Variants in ASPSCR1 observed in about 807,000 individuals in gnomAD.
ASPSCR1 encodes the protein tether containing UBX domain for GLUT4.
ASPSCR1 carries 55 observed loss-of-function variants against 68.9 expected under a neutral mutation model. The ratio of observed to expected loss-of-function variants is 0.80; its 90% CI spans 0.64 to 1.00. The LOEUF (loss-of-function observed/expected upper bound fraction) is 1.00. Ranked by LOEUF, ASPSCR1 falls within the 50% of genes least tolerant of loss-of-function variation. ASPSCR1 has a pLI of 0.00. For synonymous variants in ASPSCR1, 352 were observed against 332.6 expected (o/e 1.06, Z -0.63); for missense variants, 765 against 762.2 (o/e 1.00, Z -0.04).
intron 4 of ASPSCR1, among the ~76,000 whole-genome samples, chr17:81,989,464 G>C (rs988821858): frequency 8.5e-5 from 13 of 152,332 alleles, no homozygotes; most frequent in African/African-American, 3.1e-4. Context: ...GGGAAGTCCA[G>C]GTGTCCGCAG....
chr17:82,007,664 A>T (rs1433178842), intron 7 of ASPSCR1: 2 of 152,252 alleles, frequency 1.3e-5, no homozygotes, highest in Non-Finnish European at 2.9e-5. Flanking sequence ...GGGCTCCTCC[A>T]GGGAGGCTCT....
In ASPSCR1 at chr17:82,016,967, C is replaced by A. The variant is rs1328255062; in HGVS notation, c.1502C>A (p.Pro501His). 1.9e-6 allele frequency: 3 copies of A among 1,612,004 alleles called. No homozygotes were observed. Among genetic ancestry groups the A allele is most frequent in the Admixed American group, 3.3e-5 (2 of 59,990 alleles). ...ARYMSRAAGS[P>H]SPLPAPDPAP... ...TACATGTCCAGGGCCGCCGGGTCCC[C>A]TTCCCCATTGCCAGCCCCTGACCCT... Residue 501 changes from proline to histidine, a missense_variant, in exon 15 of 16, where the codon CCT (proline) becomes CAT (histidine). Pro to His is a moderately conservative substitution (Grantham distance 77). Coordinates refer to ENST00000306739, the MANE Select transcript of ASPSCR1 (RefSeq NM_024083.4).
In ASPSCR1 at chr17:81,985,569, G is replaced by A. The variant is rs1258090169; in HGVS notation, c.336G>A (p.Gln112=). The part of the protein sequence containing the change: ...SRLQDSFCSG[Q]TLWELLSHFP... ...TGCAGGACTCTTTCTGTTCAGGCCA[G>A]ACCCTCTGGGAGCTTCTCAGCCATT... Residue 112 remains glutamine, a synonymous_variant, in exon 4 of 16, where the codon CAG becomes CAA. Transcript: ENST00000306739. 1 of 1,614,048 alleles carries A rather than the reference G, an allele frequency of 6.2e-7. No individual in the cohort carries two copies. Among genetic ancestry groups the A allele is most frequent in the Admixed American group, 1.7e-5 (1 of 60,032 alleles).
chr17:81,983,636 G>A lies in ASPSCR1; in HGVS notation c.241G>A (p.Ala81Thr), dbSNP rs375476528. 6.8e-6 allele frequency: 11 copies of A among 1,612,902 alleles called. No individual in the cohort carries two copies. The highest frequency in any genetic ancestry group is 4.5e-5 in the East Asian group (2 of 44,832). Residue 81 changes from alanine to threonine, a missense_variant, in exon 3 of 16, where the codon GCT (alanine) becomes ACT (threonine). Coordinates refer to ENST00000306739, the MANE Select transcript of ASPSCR1 (RefSeq NM_024083.4). The surrounding 1 kb of genome is among the most constrained non-coding windows in gnomAD (Gnocchi z 4.4). ...PNNAKLEMVP[A>T]SRSREGPENM... ...CAATGCCAAGCTGGAGATGGTGCCC[G>A]CTTCCCGGAGCCGTGAGGGGCCTGA...
chr17:82,010,719 G>C, intron 9 of ASPSCR1, 83 bp from the exon 10 acceptor site: 1 of 1,431,868 alleles, frequency 7.0e-7, no homozygotes, highest in South Asian at 1.1e-5. Flanking sequence ...CCATGGCCCA[G>C]CATGGGCCGA....
Position 81,994,842 on chromosome 17 carries a change from C to CG in ASPSCR1, c.400dup (p.Ala134GlyfsTer11). On this transcript the variant is annotated frameshift_variant, in exon 5 of 16. Transcript: ENST00000306739. LOFTEE classifies it high-confidence loss of function. ...CCAGGGAGTGCCTGCAGCACCCCGG[C>CG]GGGGCCACCCCAGTCTGCGTGTACA... 1 of 1,613,290 alleles carries CG rather than the reference C, an allele frequency of 6.2e-7. No individual in the cohort carries two copies. The highest frequency in any genetic ancestry group is 8.5e-7 in the Non-Finnish European group (1 of 1,179,928).
chr17:82,010,333 T>G (rs111955317), intron 9 of ASPSCR1, among the ~76,000 whole-genome samples: 5 of 150,798 alleles, frequency 3.3e-5, no homozygotes, highest in African/African-American at 4.9e-5. Flanking sequence ...ATCGAGACCA[T>G]CCTGGCTGAC....
chr17:82,016,586 G>A, intron 13 of ASPSCR1, 59 bp downstream of exon 13: 2 of 1,545,882 alleles, frequency 1.3e-6, no homozygotes, highest in South Asian at 1.2e-5. Flanking sequence ...CTGGACCTCA[G>A]AGCCAGCTGC....
At chr17:81,980,931 C>T (rs568008855) in intron 2 of ASPSCR1, among the ~76,000 whole-genome samples, 10 of 152,126 alleles carry the variant, frequency 6.6e-5, no homozygotes, top group East Asian at 3.9e-4. Context: ...TTTGGGTGCC[C>T]GAGGCGGAGG....
chr17:81,986,111 C>T lies in ASPSCR1; in HGVS notation c.374+504C>T, dbSNP rs754946078. 8.5e-5 allele frequency among the ~76,000 whole-genome samples: 13 copies of T among 152,134 alleles called. No homozygotes were observed. The highest frequency in any genetic ancestry group is 1.7e-4 in the African/African-American group (7 of 41,404). ...GAGCTCCTGTGCCCCACCAGAAAAT[C>T]TTCCTAATAGTAATTGGATGGCTGG... On this transcript the variant is annotated intron_variant, in intron 4 of 15. Transcript: ENST00000306739. The surrounding 1 kb of genome is among the most constrained non-coding windows in gnomAD (Gnocchi z 5.2).
intron 4 of ASPSCR1, among the ~76,000 whole-genome samples, chr17:81,991,431 T>C (rs1832312475): frequency 6.6e-6 from 1 of 152,058 alleles, no homozygotes; most frequent in South Asian, 2.1e-4. Context: ...TGTGCTGGGG[T>C]GTAGGGATGG....
In ASPSCR1 at chr17:81,979,974, TG is replaced by T. The variant is rs200185405; in HGVS notation, c.158+736del. Among the ~76,000 whole-genome samples the T allele has an allele frequency of 2.2e-3, 340 of 152,278 alleles. 6 individuals carry two copies. In the East Asian group the frequency reaches 0.061, roughly 28 times the overall value. On this transcript the variant is annotated intron_variant, in intron 2 of 15. Coordinates refer to ENST00000306739, the MANE Select transcript of ASPSCR1 (RefSeq NM_024083.4). ...TTCACTTTAAAGTCCTGTTTTCTGG[TG>T]TTTTTTTTGTTTTGTTTTGTTTTTG... is the stretch of plus-strand genomic sequence containing the variant.
At chr17:82,013,895 C>A (rs1215337732) in intron 12 of ASPSCR1, 10 of 152,300 alleles carry the variant, frequency 6.6e-5, no homozygotes, top group African/African-American at 2.2e-4. Context: ...CACACAGTCA[C>A]TTCTGTGTGC....
At chr17:81,984,102 C>G (rs1446032316) in intron 3 of ASPSCR1, among the ~76,000 whole-genome samples, 1 of 152,058 alleles carries the variant, frequency 6.6e-6, no homozygotes, top group African/African-American at 2.4e-5. Flanking sequence ...CTACCCGCCT[C>G]GGCCTCCCAA....
Position 81,990,989 on chromosome 17 carries a change from G to T in ASPSCR1, c.375-3832G>T, listed in dbSNP as rs79976887. 4.7e-3 allele frequency among the ~76,000 whole-genome samples: 719 copies of T among 152,242 alleles called. 10 individuals are homozygous for T. Among genetic ancestry groups the T allele is most frequent in the Admixed American group, 0.037 (560 of 15,284 alleles). ...TAGTTGCCAAGTGGTGAAAGGCAGG[G>T]GTGTGGATGGACCATGCTGAGCTGC... On this transcript the variant is annotated intron_variant, in intron 4 of 15. Transcript: ENST00000306739. This position sits in a 1 kb window ranked among gnomAD's most constrained non-coding sequence, Gnocchi z 4.1.
chr17:82,001,996 CTTTTTCCTTTT>C (rs1359675005), intron 7 of ASPSCR1, among the ~76,000 whole-genome samples: 22 of 136,706 alleles, frequency 1.6e-4, no homozygotes, highest in African/African-American at 5.6e-4. Context: ...TTTTTTTTTT[CTTTTTCCTTTT>C]TTTTTTTTTT....
intron 1 of ASPSCR1, chr17:81,978,270 C>T (rs1192381478): frequency 6.6e-6 from 1 of 152,218 alleles, no homozygotes; most frequent in Non-Finnish European, 1.5e-5. Context: ...GCCTGTAAAT[C>T]CCAGCACTGT....
At chr17:81,989,815 T>A (rs889525334) in intron 4 of ASPSCR1, among the ~76,000 whole-genome samples, 3 of 152,228 alleles carry the variant, frequency 2.0e-5, no homozygotes, top group African/African-American at 7.2e-5. Context: ...GACTCACATT[T>A]TCTTTTCTTT....
chr17:81,985,398 GGCCAGGGCGGGGCAGTC>G, intron 3 of ASPSCR1, 92 bp from the exon 4 acceptor site: 2 of 1,150,162 alleles, frequency 1.7e-6, no homozygotes, highest in Non-Finnish European at 2.5e-6. Flanking sequence ...TCTCCCTGGA[GGCCAGGGCGGGGCAGTC>G]ACCCTCTCTG....
Sources: gnomAD v4.1 joint callset for allele counts (sites outside exome capture counted in the v4.1 genomes callset) on GRCh38, gnomAD v4.1.1 for gene constraint, Gnocchi (gnomAD v3.1) non-coding constraint, MANE v1.5 for transcripts, NCBI Gene and HGNC (gene_info 2026-07-23, HGNC 2026-07-21) for gene names.